Variants in GRIN3A observed in about 807,000 individuals in gnomAD.
GRIN3A encodes glutamate ionotropic receptor NMDA type subunit 3A, also known as glutamate receptor ionotropic, NMDA 3A.
In GRIN3A, 47 loss-of-function variants were observed where a neutral mutation model predicts 92.4. That is an observed-to-expected ratio of 0.51 (90% CI 0.40 to 0.65). The LOEUF is 0.65. Ranked by LOEUF, GRIN3A falls within the 30% of genes least tolerant of loss-of-function variation. The probability of loss-of-function intolerance (pLI) is 0.00; values close to 1 mark genes in which losing one functional copy is unlikely to be tolerated. For synonymous variants in GRIN3A, 527 were observed against 540.6 expected (o/e 0.97, Z 0.35); for missense variants, 1,324 against 1,393.1 (o/e 0.95, Z 0.79).
At chr9:101,703,862 C>T (rs1025855776) in intron 1 of GRIN3A, among the ~76,000 whole-genome samples, 8 of 152,142 alleles carry the variant, frequency 5.3e-5, no homozygotes, top group Non-Finnish European at 7.3e-5. Context: ...GCCTCTGTCT[C>T]GAGCAATCCC....
At chr9:101,645,213 G>T (rs560779587) in intron 3 of GRIN3A, among the ~76,000 whole-genome samples, 1 of 151,672 alleles carries the variant, frequency 6.6e-6, no homozygotes, top group East Asian at 1.9e-4. Context: ...CCGTGAAATC[G>T]ATTTTTTTAA....
chr9:101,623,567 T>A (rs2118870389), intron 4 of GRIN3A, 134 bp from the exon 5 acceptor site: 1 of 696,360 alleles, frequency 1.4e-6, no homozygotes, highest in South Asian at 1.5e-5. Context: ...AGGTGCTGAC[T>A]TAGCTGTCTT....
intron 6 of GRIN3A, among the ~76,000 whole-genome samples, chr9:101,613,024 T>C (rs184522832): frequency 6.6e-6 from 1 of 152,360 alleles, no homozygotes; most frequent in East Asian, 1.9e-4. Context: ...ACACATCATG[T>C]CCATCAATTA....
intron 6 of GRIN3A, among the ~76,000 whole-genome samples, chr9:101,590,072 C>G (rs1055578003): frequency 4.6e-5 from 7 of 152,094 alleles, no homozygotes; most frequent in Non-Finnish European, 1.0e-4. Flanking sequence ...AGAACAAACA[C>G]CATGTAAAAC....
intron 3 of GRIN3A, among the ~76,000 whole-genome samples, chr9:101,632,892 G>A (rs1413165525): frequency 6.6e-6 from 1 of 152,126 alleles, no homozygotes; most frequent in African/African-American, 2.4e-5. Context: ...GTCCCAGTGA[G>A]AGAAGCATTT....
intron 6 of GRIN3A, among the ~76,000 whole-genome samples, chr9:101,605,334 T>C (rs1454416615): frequency 1.3e-5 from 2 of 152,222 alleles, no homozygotes; most frequent in African/African-American, 4.8e-5. Context: ...CTATTCTTTA[T>C]ACCAAGCCAG....
intron 3 of GRIN3A, among the ~76,000 whole-genome samples, chr9:101,645,283 TAAAC>T (rs1015852891): frequency 2.0e-5 from 3 of 151,906 alleles, no homozygotes; most frequent in Non-Finnish European, 4.4e-5. Context: ...TTATTTTACT[TAAAC>T]TAATGACCTC....
rs55960998 is a variant in GRIN3A, at chr9:101,683,847, T to TGAGA, written c.1304+2745_1304+2748dup. On this transcript the variant is annotated intron_variant, in intron 2 of 8. Transcript: ENST00000361820. ...CATAAGGAGAGAGAGAGAGAGACAG[T>TGAGA]GAGAGAGAGAGAGAGAGAGAGAGAG... Among the ~76,000 whole-genome samples, 339 of 136,276 alleles carry TGAGA rather than the reference T, an allele frequency of 2.5e-3. 3 individuals are homozygous for TGAGA. The highest frequency in any genetic ancestry group is 8.9e-3 in the African/African-American group (297 of 33,348). 89.4% of individuals were successfully genotyped at this position (136,276 alleles called of 152,430 possible). A position where few individuals can be genotyped will look rare whatever the true frequency, so the allele number is the denominator to read the frequency against.
At chr9:101,581,427 A>G (rs181014354) in intron 6 of GRIN3A, among the ~76,000 whole-genome samples, 2 of 152,302 alleles carry the variant, frequency 1.3e-5, no homozygotes, top group Non-Finnish European at 2.9e-5. Flanking sequence ...TTTAAACCTA[A>G]ACTCCAAGGG....
intron 6 of GRIN3A, chr9:101,594,023 C>T (rs544257752): frequency 1.4e-4 from 25 of 181,294 alleles, no homozygotes; most frequent in African/African-American, 5.5e-4. Context: ...GTTCACCTAA[C>T]ACCCATGCAA....
chr9:101,653,511 A>C (rs1829039584), intron 3 of GRIN3A, among the ~76,000 whole-genome samples: 1 of 151,836 alleles, frequency 6.6e-6, no homozygotes. Flanking sequence ...AAATCCTATC[A>C]TTTTTTATTT....
chr9:101,602,114 G>C (rs879606630), intron 6 of GRIN3A, among the ~76,000 whole-genome samples: 1 of 151,950 alleles, frequency 6.6e-6, no homozygotes, highest in Admixed American at 6.6e-5. Flanking sequence ...TGAGAAGAGG[G>C]GCATCTCTAT....
intron 6 of GRIN3A, 80 bp from the exon 7 acceptor site, chr9:101,579,440 A>C: frequency 7.2e-7 from 1 of 1,392,960 alleles, no homozygotes; most frequent in Non-Finnish European, 1.0e-6. Flanking sequence ...TGGTTTTCAG[A>C]TGGATATTCA....
At chr9:101,630,162 T>A (rs1471240301) in intron 3 of GRIN3A, among the ~76,000 whole-genome samples, 1 of 152,196 alleles carries the variant, frequency 6.6e-6, no homozygotes, top group African/African-American at 2.4e-5. Context: ...TTGTGTAGCT[T>A]CACCCTCCTA....
At chr9:101,614,302 C>T (rs552754554) in intron 5 of GRIN3A, among the ~76,000 whole-genome samples, 21 of 152,170 alleles carry the variant, frequency 1.4e-4, no homozygotes, top group African/African-American at 4.6e-4. Context: ...TCAGGAGATA[C>T]GTACAAAAAT....
chr9:101,688,333 G>T (rs1829564611), intron 1 of GRIN3A, among the ~76,000 whole-genome samples: 1 of 152,142 alleles, frequency 6.6e-6, no homozygotes, highest in Admixed American at 6.5e-5. Flanking sequence ...TAAAAAGTGA[G>T]GACTCCACAG....
chr9:101,588,561 T>C (rs542378672), intron 6 of GRIN3A, among the ~76,000 whole-genome samples: 1 of 152,272 alleles, frequency 6.6e-6, no homozygotes, highest in African/African-American at 2.4e-5. Flanking sequence ...TGTTGTGCAG[T>C]TTTTTGAAAA....
intron 6 of GRIN3A, chr9:101,594,402 A>G: frequency 6.3e-7 from 1 of 1,585,736 alleles, no homozygotes; most frequent in Non-Finnish European, 8.6e-7. Context: ...GCTTGTAAGA[A>G]AAAGGCTCAT....
rs578100163 is a variant in GRIN3A at position 101,736,311 on chromosome 9, A to G, written c.699+970T>C. Among the ~76,000 whole-genome samples, 10 of 152,352 alleles carry G rather than the reference A, an allele frequency of 6.6e-5. No individual in the cohort carries two copies. The South Asian group carries it at 2.1e-3, about 32-fold the overall frequency. ...AGATACTTTGTGCAAGGCTTAACAC[A>G]GCTTGAGATTATGATAAAAGTAACA... On this transcript the variant is annotated intron_variant, in intron 1 of 8. Coordinates refer to ENST00000361820, the MANE Select transcript of GRIN3A (RefSeq NM_133445.3).
Sources: gnomAD v4.1 joint callset for allele counts (sites outside exome capture counted in the v4.1 genomes callset) on GRCh38, gnomAD v4.1.1 for gene constraint, MANE v1.5 for transcripts, NCBI Gene and HGNC (gene_info 2026-07-23, HGNC 2026-07-21) for gene names.